UACA: variants seen among roughly 807,000 people sequenced by gnomAD.
UACA encodes the protein uveal autoantigen with coiled-coil domains and ankyrin repeats, also known as nuclear membrane binding protein.
In UACA, 112 loss-of-function variants were observed where a neutral mutation model predicts 160.5. That is an observed-to-expected ratio of 0.70 (90% CI 0.60 to 0.82). The LOEUF is 0.82. Among genes scored for constraint, UACA ranks in the 40% least tolerant of loss-of-function variants. The pLI, the probability that UACA is intolerant of heterozygous loss-of-function variation, is 0.00. For synonymous variants in UACA, 557 were observed against 568.4 expected (o/e 0.98, Z 0.29); for missense variants, 1,574 against 1,614.6 (o/e 0.97, Z 0.43).
In UACA at chr15:70,701,662, T is replaced by C. The variant is rs1050417654; in HGVS notation, c.79-2002A>G. On this transcript the variant is annotated intron_variant, in intron 1 of 18. Transcript: ENST00000322954. The stretch of plus-strand genomic sequence containing the variant: ...ATTCACTGTCAGTTAACAGTAACAC[T>C]GTACAATTATTAAGATTTTATCATG... 2.0e-5 allele frequency among the ~76,000 whole-genome samples: 3 copies of C among 152,220 alleles called. No individual in the cohort carries two copies. In the East Asian group the frequency reaches 5.8e-4, roughly 29 times the overall value.
intron 1 of UACA, among the ~76,000 whole-genome samples, chr15:70,716,874 A>G (rs766664792): frequency 6.6e-6 from 1 of 152,236 alleles, no homozygotes; most frequent in Non-Finnish European, 1.5e-5. Flanking sequence ...CTGAATGGCC[A>G]TGCAATAAAA....
intron 18 of UACA, among the ~76,000 whole-genome samples, chr15:70,657,389 T>C (rs1896515320): frequency 6.6e-6 from 1 of 151,996 alleles, no homozygotes; most frequent in South Asian, 2.1e-4. Context: ...GGTGGGTGGA[T>C]CATTTGAGGT....
rs1378274512 is a variant in UACA at position 70,730,012 on chromosome 15, C to A, written c.79-30352G>T. ...TCTGTACATCACCATCATCAAAGACCAAAAGTAGATAAAACCACAAAGATG... is the reference window on the plus strand; with the variant it reads ...TCTGTACATCACCATCATCAAAGACAAAAAGTAGATAAAACCACAAAGATG... On this transcript the variant is annotated intron_variant, in intron 1 of 18. Coordinates refer to ENST00000322954, the MANE Select transcript of UACA (RefSeq NM_018003.4). Among the ~76,000 whole-genome samples, 235 of 76,566 alleles carry A rather than the reference C, an allele frequency of 3.1e-3. 4 individuals carry two copies. Among genetic ancestry groups the A allele is most frequent in the East Asian group, 0.016 (50 of 3,078 alleles). 50.2% of individuals were successfully genotyped at this position (76,566 alleles called of 152,430 possible). A position where few individuals can be genotyped will look rare whatever the true frequency, so the allele number is the denominator to read the frequency against.
chr15:70,737,297 T>C (rs940666423), intron 1 of UACA, among the ~76,000 whole-genome samples: 3 of 152,360 alleles, frequency 2.0e-5, no homozygotes, highest in African/African-American at 7.2e-5. Context: ...GTATTATAAA[T>C]GTGTACATTA....
chr15:70,750,097 G>T (rs2029952382), intron 1 of UACA, among the ~76,000 whole-genome samples: 1 of 152,126 alleles, frequency 6.6e-6, no homozygotes. Flanking sequence ...GGTGGCCTGT[G>T]TTTCTCCAAC....
intron 5 of UACA, among the ~76,000 whole-genome samples, chr15:70,689,408 A>G (rs796825601): frequency 2.0e-5 from 3 of 152,194 alleles, no homozygotes; most frequent in African/African-American, 7.2e-5. Context: ...GGATAATAAA[A>G]TATATGGTTA....
At chr15:70,714,815 A>G (rs1019284997) in intron 1 of UACA, among the ~76,000 whole-genome samples, 15 of 152,200 alleles carry the variant, frequency 9.9e-5, no homozygotes, top group African/African-American at 3.6e-4. Context: ...TTGTTACTTT[A>G]TTAGAACTGT....
the UACA span, among the ~76,000 whole-genome samples, chr15:70,777,295 G>A: frequency 2.0e-5 from 3 of 152,126 alleles, no homozygotes; most frequent in African/African-American, 4.8e-5. Context: ...ATTATGAGAT[G>A]TCTATTACAT....
chr15:70,678,091 T>TCAGCTGTAACTG lies in UACA; in HGVS notation c.999+7_999+8insCAGTTACAGCTG. 1 of 1,559,810 alleles carries TCAGCTGTAACTG rather than the reference T, an allele frequency of 6.4e-7. No individual in the cohort carries two copies. The highest frequency in any genetic ancestry group is 1.4e-5 in the African/African-American group (1 of 72,760). Reference sequence around the variant, plus strand: ...CAGTTTATTTTTCTATTATGCAGATTTATTTACCTCATTCAGCTGTAACTG... The same window carrying TCAGCTGTAACTG: ...CAGTTTATTTTTCTATTATGCAGATTCAGCTGTAACTGTATTTACCTCATTCAGCTGTAACTG... On this transcript the variant is annotated splice_region_variant and intron_variant, in intron 11 of 18. Coordinates refer to ENST00000322954, the MANE Select transcript of UACA (RefSeq NM_018003.4).
At chr15:70,713,458 A>G (rs1341289889) in intron 1 of UACA, among the ~76,000 whole-genome samples, 2 of 152,320 alleles carry the variant, frequency 1.3e-5, no homozygotes, top group South Asian at 4.2e-4. Flanking sequence ...AGGAATTTAC[A>G]TCCCAGACAG....
chr15:70,758,223 A>G (rs2030543173), intron 1 of UACA: 1 of 152,208 alleles, frequency 6.6e-6, no homozygotes, highest in Admixed American at 6.5e-5. Flanking sequence ...AATCAACATA[A>G]TGTTCTGAAT....
chr15:70,766,378 T>C (rs189692945), upstream of UACA, among the ~76,000 whole-genome samples: 12 of 152,298 alleles, frequency 7.9e-5, no homozygotes, highest in African/African-American at 2.4e-4. Flanking sequence ...AGGGCACTTA[T>C]CAAACCTAGA....
At chr15:70,724,612 T>C (rs1452513256) in intron 1 of UACA, among the ~76,000 whole-genome samples, 1 of 152,114 alleles carries the variant, frequency 6.6e-6, no homozygotes, top group Non-Finnish European at 1.5e-5. Flanking sequence ...TAACAATCAC[T>C]CGCTAAAAGG....
At position 70,663,277 on chromosome 15, in the gene UACA, G is replaced by A. The variant is rs561029799; in HGVS notation, c.4113+1385C>T. Among the ~76,000 whole-genome samples, 860 of 152,168 alleles carry A rather than the reference G, an allele frequency of 5.7e-3. 8 individuals carry two copies. The highest frequency in any genetic ancestry group is 0.02 in the African/African-American group (817 of 41,520). On this transcript the variant is annotated intron_variant, in intron 17 of 18. Coordinates refer to ENST00000322954, the MANE Select transcript of UACA (RefSeq NM_018003.4). ...GAAAAAATGCTCATCATCACTGGCC[G>A]TCAGAGAAATGCAAATCAAAACCAC...
At chr15:70,686,131 C>CTTTTTT (rs748667477) in intron 7 of UACA, among the ~76,000 whole-genome samples, 1 of 139,216 alleles carries the variant, frequency 7.2e-6, no homozygotes, top group African/African-American at 2.6e-5. Flanking sequence ...TTAATCACAT[C>CTTTTTT]TTTTTTTTTT....
chr15:70,738,939 T>C (rs1899449006), intron 1 of UACA, among the ~76,000 whole-genome samples: 4 of 152,250 alleles, frequency 2.6e-5, no homozygotes, highest in Admixed American at 2.0e-4. Context: ...TGGCCCAGCA[T>C]GGGCTTGTTC....
At position 70,667,187 on chromosome 15, in the gene UACA, AGG is replaced by A; in HGVS notation, c.3495_3496del (p.Leu1166GlyfsTer7). ...TTCTTTAATCTGCAAATGCTCTGCCAGGGGTACAGAAGAGTTCTTTTGATTCT... is the reference window on the plus strand; with the variant it reads ...TTCTTTAATCTGCAAATGCTCTGCCAGGTACAGAAGAGTTCTTTTGATTCT... On this transcript the variant is annotated frameshift_variant, in exon 16 of 19. Coordinates refer to ENST00000322954, the MANE Select transcript of UACA (RefSeq NM_018003.4). LOFTEE classifies it high-confidence loss of function. 1 of 1,613,910 alleles carries A rather than the reference AGG, an allele frequency of 6.2e-7. No individual in the cohort carries two copies. The highest frequency in any genetic ancestry group is 8.5e-7 in the Non-Finnish European group (1 of 1,179,956).
intron 1 of UACA, among the ~76,000 whole-genome samples, chr15:70,702,682 C>T (rs1186954492): frequency 6.6e-6 from 1 of 152,170 alleles, no homozygotes; most frequent in African/African-American, 2.4e-5. Flanking sequence ...AAACGTGTCA[C>T]ATTTTAATTT....
intron 1 of UACA, among the ~76,000 whole-genome samples, chr15:70,715,897 A>G (rs1323449900): frequency 1.3e-5 from 2 of 152,214 alleles, no homozygotes; most frequent in Non-Finnish European, 2.9e-5. Flanking sequence ...TTGAAGAAGA[A>G]CCCTTCAAGT....
Sources: gnomAD v4.1 joint callset for allele counts (sites outside exome capture counted in the v4.1 genomes callset) on GRCh38, gnomAD v4.1.1 for gene constraint, MANE v1.5 for transcripts, NCBI Gene and HGNC (gene_info 2026-07-23, HGNC 2026-07-21) for gene names.